The following DYDC1 variants were observed in gnomAD, a reference collection of about 807,000 sequenced individuals.
DYDC1 encodes the protein DPY30 domain-containing protein 1.
DYDC1 carries 21 observed loss-of-function variants against 27.9 expected under a neutral mutation model. The observed-to-expected ratio is 0.75, with a 90% CI of 0.53 to 1.08. The LOEUF is 1.08. Among genes scored for constraint, DYDC1 ranks in the 50% least tolerant of loss-of-function variants. The pLI is 0.00. For missense variants in DYDC1, 202 were observed against 205.9 expected (o/e 0.98, Z 0.12); for synonymous variants, 67 against 65.8 (o/e 1.02, Z -0.09).
chr10:80,339,164 TA>T lies in DYDC1; in HGVS notation c.343-12del. On this transcript the variant is annotated splice_polypyrimidine_tract_variant and intron_variant, in intron 4 of 6. Transcript: ENST00000372202. ...ATTCATTCTCATCTCCTATAATATA[TA>T]AAAATTAAGAAAATACTTTGAATAT... 4 of 1,165,582 alleles carry T rather than the reference TA, an allele frequency of 3.4e-6. No individual in the cohort carries two copies. The highest frequency in any genetic ancestry group is 4.7e-6 in the Non-Finnish European group (4 of 854,460). The allele number at this position is 1,165,582 out of a possible 1,614,324, so 72.2% of individuals were successfully genotyped here.
At chr10:80,352,657 G>GTCAC in intron 1 of DYDC1, 47 bp from the exon 2 acceptor site, 1 of 1,559,610 alleles carries the variant, frequency 6.4e-7, no homozygotes, top group South Asian at 1.2e-5. Flanking sequence ...TTTCAATAAA[G>GTCAC]TCACTATAAA....
At chr10:80,350,835 T>G (rs904519823) in intron 3 of DYDC1, among the ~76,000 whole-genome samples, 2 of 152,116 alleles carry the variant, frequency 1.3e-5, no homozygotes, top group Non-Finnish European at 2.9e-5. Context: ...TTCTGGAACT[T>G]TCCTCTCTCC....
chr10:80,336,128 A>G lies in DYDC1; in HGVS notation c.*28T>C, dbSNP rs1399537871. On this transcript the variant is annotated 3_prime_UTR_variant, in exon 7 of 7. Transcript: ENST00000372202. Reference sequence around the variant, plus strand: ...GGTTTGAAATTTGAAACAAACAAAAACATTTATTGCTCTTAGGTTGGTTGG... The same window carrying G: ...GGTTTGAAATTTGAAACAAACAAAAGCATTTATTGCTCTTAGGTTGGTTGG... 1 of 1,380,298 alleles carries G rather than the reference A, an allele frequency of 7.2e-7. No homozygotes were observed. The allele number at this position is 1,380,298 out of a possible 1,614,324, so 85.5% of individuals were successfully genotyped here.
At chr10:80,354,029 T>C in intron 1 of DYDC1, among the ~76,000 whole-genome samples, 1 of 151,196 alleles carries the variant, frequency 6.6e-6, no homozygotes, top group African/African-American at 2.4e-5. Flanking sequence ...GGCAGGAGAA[T>C]GGGGTGAACC....
chr10:80,354,630 G>A (rs891753262), intron 1 of DYDC1: 15 of 152,166 alleles, frequency 9.9e-5, no homozygotes, highest in African/African-American at 3.6e-4. Flanking sequence ...GATGGTATTA[G>A]GAGCCTTTGG....
intron 4 of DYDC1, among the ~76,000 whole-genome samples, chr10:80,341,885 G>C (rs959184202): frequency 1.3e-5 from 2 of 151,680 alleles, no homozygotes; most frequent in Admixed American, 6.6e-5. Context: ...TCAGCCGGGC[G>C]TGGTGGTGCG....
At chr10:80,352,101 G>A (rs1187255866) in intron 2 of DYDC1, 99 bp from the exon 3 acceptor site, 12 of 1,124,224 alleles carry the variant, frequency 1.1e-5, no homozygotes, top group African/African-American at 4.6e-5. Context: ...TAGGGAAAGT[G>A]TTAAGCAAAT....
chr10:80,351,336 G>A (rs772006082), intron 3 of DYDC1, among the ~76,000 whole-genome samples: 10 of 151,662 alleles, frequency 6.6e-5, no homozygotes, highest in Admixed American at 2.0e-4. Flanking sequence ...CTGACCCTAC[G>A]AATCATCCAC....
rs963827842 is a variant in DYDC1 at position 80,352,502 on chromosome 10, C to T, written c.100G>A (p.Ala34Thr). 4.3e-6 allele frequency: 7 copies of T among 1,613,228 alleles called. No individual in the cohort carries two copies. Among genetic ancestry groups the T allele is most frequent in the East Asian group, 2.2e-5 (1 of 44,804 alleles). Reference sequence around the variant, plus strand: ...TCCTTATACTTGTAAATCCACAATGCTAAATATTCTATCGGATCCACTGGG... The same window carrying T: ...TCCTTATACTTGTAAATCCACAATGTTAAATATTCTATCGGATCCACTGGG... ...VRPVDPIEYL[A>T]LWIYKYKENV... is the part of the protein sequence containing the mutation. Residue 34 changes from alanine (A) to threonine (T), a missense_variant, in exon 2 of 7, where the codon GCA becomes ACA. By Grantham distance (58) the Ala-to-Thr change is moderately conservative (BLOSUM62 0). Coordinates refer to ENST00000372202, the MANE Select transcript of DYDC1 (RefSeq NM_001269053.2).
At chr10:80,341,442 C>CAAAAA (rs58419721) in intron 4 of DYDC1, among the ~76,000 whole-genome samples, 38 of 46,316 alleles carry the variant, frequency 8.2e-4, no homozygotes, top group African/African-American at 1.6e-3. Flanking sequence ...GACTCTGTCT[C>CAAAAA]AAAAAAAAAA....
chr10:80,337,603 T>C (rs1842175624), intron 6 of DYDC1, among the ~76,000 whole-genome samples: 1 of 152,200 alleles, frequency 6.6e-6, no homozygotes, highest in Non-Finnish European at 1.5e-5. Flanking sequence ...AGTGCTTTCA[T>C]GGTCTGGCCC....
rs1843079885 is a variant in DYDC1 at position 80,352,737 on chromosome 10, G to A, written c.-9-127C>T. ...CTCAGTCATGGACACCTCCCATTGG[G>A]GGTGTCACAAGCAAGCTGGCCCCAG... On this transcript the variant is annotated intron_variant, in intron 1 of 6. Coordinates refer to ENST00000372202, the MANE Select transcript of DYDC1 (RefSeq NM_001269053.2). 11 of 1,174,814 alleles carry A rather than the reference G, an allele frequency of 9.4e-6. No homozygotes were observed. In the South Asian group the frequency reaches 3.5e-4, roughly 37 times the overall value. The allele number at this position is 1,174,814 out of a possible 1,614,324, so 72.8% of individuals were successfully genotyped here.
At chr10:80,347,087 G>GA (rs534083728) in intron 3 of DYDC1, among the ~76,000 whole-genome samples, 114 of 142,070 alleles carry the variant, frequency 8.0e-4, no homozygotes, top group Middle Eastern at 3.5e-3. Flanking sequence ...GTCCGAAAAA[G>GA]AAAAAAAAAA....
rs566005401 is a variant in DYDC1 at position 80,351,381 on chromosome 10, T to C, written c.249+520A>G. Among the ~76,000 whole-genome samples, 3 of 151,296 alleles carry C rather than the reference T, an allele frequency of 2.0e-5. No individual in the cohort carries two copies. In the East Asian group the frequency reaches 5.8e-4, roughly 29 times the overall value. Reference sequence around the variant, plus strand: ...TAATGTCACCCACTCACTCCTCCACTACTGTGCTCTTAAATCAAAACAAAC... The same window carrying C: ...TAATGTCACCCACTCACTCCTCCACCACTGTGCTCTTAAATCAAAACAAAC... On this transcript the variant is annotated intron_variant, in intron 3 of 6. Coordinates refer to ENST00000372202, the MANE Select transcript of DYDC1 (RefSeq NM_001269053.2).
At chr10:80,346,444 C>CTTTTT (rs1032729095) in intron 3 of DYDC1, among the ~76,000 whole-genome samples, 1,855 of 83,328 alleles carry the variant, frequency 0.022, 139 homozygotes, top group South Asian at 0.064. Context: ...TCTTCCCTTT[C>CTTTTT]TTTTTTTTTT....
chr10:80,355,527 T>A (rs1296227431), intron 1 of DYDC1, among the ~76,000 whole-genome samples: 1 of 152,260 alleles, frequency 6.6e-6, no homozygotes, highest in East Asian at 1.9e-4. Context: ...AAATGGCATA[T>A]GCACACAGTT....
chr10:80,343,029 T>C (rs1246714755), intron 3 of DYDC1, among the ~76,000 whole-genome samples: 1 of 141,804 alleles, frequency 7.1e-6, no homozygotes, highest in Admixed American at 7.0e-5. Flanking sequence ...TCATCTGAAA[T>C]CATTACTAAC....
chr10:80,337,978 CT>C, intron 6 of DYDC1: 1 of 652,988 alleles, frequency 1.5e-6, no homozygotes, highest in East Asian at 1.4e-4. Context: ...TGTTTCTCCC[CT>C]GACAATAAAC....
chr10:80,356,295 A>G (rs1484457983), intron 1 of DYDC1: 23 of 985,510 alleles, frequency 2.3e-5, no homozygotes, highest in Non-Finnish European at 2.8e-5. Flanking sequence ...CCTTTCCCAC[A>G]GAAACAGCTG....
Sources: gnomAD v4.1 joint callset for allele counts (sites outside exome capture counted in the v4.1 genomes callset) on GRCh38, gnomAD v4.1.1 for gene constraint, MANE v1.5 for transcripts, NCBI Gene and HGNC (gene_info 2026-07-23, HGNC 2026-07-21) for gene names.